Variants in TRIM24 observed in about 807,000 individuals in gnomAD.
TRIM24 encodes transcription intermediary factor 1-alpha.
Under a neutral mutation model 123.9 loss-of-function variants are expected in TRIM24, and 29 were observed. That is an observed-to-expected ratio of 0.23 (90% CI 0.17 to 0.32). The LOEUF (loss-of-function observed/expected upper bound fraction) is 0.32, where lower values mean the gene tolerates loss of function less well. Among genes scored for constraint, TRIM24 ranks in the 10% least tolerant of loss-of-function variants. TRIM24 has a pLI of 1.00. For synonymous variants in TRIM24, 456 were observed against 461.1 expected, an observed-to-expected ratio of 0.99 and a Z score of 0.14; for missense variants, 932 against 1,295.3, an observed-to-expected ratio of 0.72 and a Z score of 4.31.
In TRIM24 at chr7:138,460,497, C is replaced by T; in HGVS notation, c.-52C>T. The T allele has an allele frequency of 8.0e-7, 1 of 1,255,666 alleles. No homozygotes were observed. The highest frequency in any genetic ancestry group is 1.0e-6 in the Non-Finnish European group (1 of 1,003,880). 77.8% of individuals were successfully genotyped at this position (1,255,666 alleles called of 1,614,324 possible). The stretch of plus-strand genomic sequence containing the variant: ...AGGAGGAGGAGGAGGTCGTCGGGGG[C>T]GGCGGGCGGAGACCGCGCTCTCGCT... On this transcript the variant is annotated 5_prime_UTR_variant, in exon 1 of 19. Transcript: ENST00000343526.
Position 138,585,520 on chromosome 7 carries a change from A to G in TRIM24, c.*569A>G, listed in dbSNP as rs1797996373. 8.9e-6 allele frequency: 3 copies of G among 335,470 alleles called. No individual in the cohort carries two copies. The East Asian group carries it at 1.9e-4, about 21-fold the overall frequency. 20.8% of individuals were successfully genotyped at this position (335,470 alleles called of 1,614,324 possible). ...GCAACAGAAGGGTAGGTTAGATGCT[A>G]TTAAGAAGGCACTTAATAGTACATC... On this transcript the variant is annotated 3_prime_UTR_variant, in exon 19 of 19. Coordinates refer to ENST00000343526, the MANE Select transcript of TRIM24 (RefSeq NM_015905.3).
intron 4 of TRIM24, 44 bp from the exon 5 acceptor site, chr7:138,525,197 C>A: frequency 1.1e-6 from 1 of 888,334 alleles, no homozygotes; most frequent in Admixed American, 3.0e-5. Context: ...GGACTTTTTC[C>A]TCATTGTATA....
intron 6 of TRIM24, among the ~76,000 whole-genome samples, chr7:138,530,527 G>T (rs145061869): frequency 1.3e-5 from 2 of 152,086 alleles, no homozygotes; most frequent in South Asian, 2.1e-4. Context: ...GTGCAATAGC[G>T]TGAATCACGG....
chr7:138,520,605 G>C (rs552569213), intron 4 of TRIM24, among the ~76,000 whole-genome samples: 1 of 152,184 alleles, frequency 6.6e-6, no homozygotes, highest in East Asian at 1.9e-4. Context: ...TGGGAGGATT[G>C]CTTGAGCCCA....
At chr7:138,496,745 C>T (rs1795916213) in intron 1 of TRIM24, among the ~76,000 whole-genome samples, 2 of 152,048 alleles carry the variant, frequency 1.3e-5, no homozygotes, top group Admixed American at 1.3e-4. Context: ...TAGTGATCCT[C>T]CTGCCTCAGC....
In TRIM24 at chr7:138,544,245, T is replaced by C. The variant is rs147894822; in HGVS notation, c.1143+5442T>C. 1.2e-3 allele frequency among the ~76,000 whole-genome samples: 186 copies of C among 152,356 alleles called. 4 individuals carry two copies. The highest frequency in any genetic ancestry group is 8.5e-3 in the East Asian group (44 of 5,186). On this transcript the variant is annotated intron_variant, in intron 7 of 18. Coordinates refer to ENST00000343526, the MANE Select transcript of TRIM24 (RefSeq NM_015905.3). Reference sequence around the variant, plus strand: ...TTTGTCTTCAACTTTCTAAAAATATTCCATGTATAAGTGAGATTATACAGT... The same window carrying C: ...TTTGTCTTCAACTTTCTAAAAATATCCCATGTATAAGTGAGATTATACAGT...
intron 1 of TRIM24, among the ~76,000 whole-genome samples, chr7:138,466,573 C>G (rs1409167276): frequency 2.1e-5 from 3 of 143,186 alleles, no homozygotes; most frequent in Non-Finnish European, 4.5e-5. Flanking sequence ...AGGCTGGTCT[C>G]TCAACTCCTG....
At position 138,474,973 on chromosome 7, in the gene TRIM24, C is replaced by T. The variant is rs76334429; in HGVS notation, c.364+14061C>T. ...AAAGTAGTATATACTTGTTATGCAC[C>T]CTAACAATGTAGGTATAATACAGTT... On this transcript the variant is annotated intron_variant, in intron 1 of 18. Coordinates refer to ENST00000343526, the MANE Select transcript of TRIM24 (RefSeq NM_015905.3). 2.0e-5 allele frequency among the ~76,000 whole-genome samples: 3 copies of T among 152,140 alleles called. No homozygotes were observed. The East Asian group carries it at 5.8e-4, about 29-fold the overall frequency.
In TRIM24 at chr7:138,533,922, C is replaced by T. The variant is rs1026246603; in HGVS notation, c.996+4692C>T. 3.3e-5 allele frequency among the ~76,000 whole-genome samples: 5 copies of T among 152,138 alleles called. No individual in the cohort carries two copies. In the East Asian group the frequency reaches 5.8e-4, roughly 18 times the overall value. On this transcript the variant is annotated intron_variant, in intron 6 of 18. Coordinates refer to ENST00000343526, the MANE Select transcript of TRIM24 (RefSeq NM_015905.3). ...GTTATTGGTCTATTCAGGGATTCAA[C>T]TTCTTCCTGGTTTAGTCTTGGGTGG...
intron 1 of TRIM24, among the ~76,000 whole-genome samples, chr7:138,480,163 A>G (rs1464897120): frequency 6.6e-6 from 1 of 152,004 alleles, no homozygotes; most frequent in African/African-American, 2.4e-5. Flanking sequence ...ACGAGGTCTC[A>G]CTTTTACCTA....
chr7:138,542,431 C>G (rs1797023443), intron 7 of TRIM24, among the ~76,000 whole-genome samples: 1 of 152,134 alleles, frequency 6.6e-6, no homozygotes, highest in Admixed American at 6.6e-5. Flanking sequence ...TATGTTTGCT[C>G]TTACATGGGT....
intron 2 of TRIM24, among the ~76,000 whole-genome samples, chr7:138,510,120 A>C (rs1319682996): frequency 6.6e-6 from 1 of 152,240 alleles, no homozygotes; most frequent in Non-Finnish European, 1.5e-5. Context: ...TGTGATGCTC[A>C]CAGAAGTTAC....
At chr7:138,576,561 A>T in intron 13 of TRIM24, 116 bp downstream of exon 13, 1 of 821,364 alleles carries the variant, frequency 1.2e-6, no homozygotes, top group Non-Finnish European at 1.8e-6. Context: ...TTTATTTTTA[A>T]TTAAAATTTT....
intron 9 of TRIM24, among the ~76,000 whole-genome samples, chr7:138,562,150 T>G (rs1292553415): frequency 1.3e-5 from 2 of 152,058 alleles, no homozygotes; most frequent in East Asian, 3.9e-4. Flanking sequence ...GGGTTGGGGC[T>G]GCCAAAAAAA....
intron 1 of TRIM24, among the ~76,000 whole-genome samples, chr7:138,472,212 T>C (rs1428560713): frequency 6.6e-6 from 1 of 152,012 alleles, no homozygotes; most frequent in Non-Finnish European, 1.5e-5. Context: ...GGAAGGTTTC[T>C]CACTTTCTTT....
chr7:138,464,141 C>T (rs933249090), intron 1 of TRIM24, among the ~76,000 whole-genome samples: 23 of 151,602 alleles, frequency 1.5e-4, no homozygotes, highest in African/African-American at 3.9e-4. Context: ...ACTACAGGAA[C>T]ATGCCACCAC....
chr7:138,577,974 AAAG>A (rs1370202336), intron 14 of TRIM24, among the ~76,000 whole-genome samples: 2 of 152,304 alleles, frequency 1.3e-5, no homozygotes, highest in East Asian at 1.9e-4. Flanking sequence ...GTAAAACAAG[AAAG>A]AAGACATAAG....
chr7:138,539,801 C>CTT (rs528996607), intron 7 of TRIM24, among the ~76,000 whole-genome samples: 1,764 of 129,596 alleles, frequency 0.014, 69 homozygotes, highest in African/African-American at 0.043. Flanking sequence ...ATTAAGTAAT[C>CTT]TTTTTTTTTT....
chr7:138,473,044 C>T (rs972127933), intron 1 of TRIM24, among the ~76,000 whole-genome samples: 2 of 152,126 alleles, frequency 1.3e-5, no homozygotes, highest in African/African-American at 4.8e-5. Flanking sequence ...CTTTGGGAGG[C>T]TGAGGCAGGC....
Sources: gnomAD v4.1 joint callset for allele counts (sites outside exome capture counted in the v4.1 genomes callset) on GRCh38, gnomAD v4.1.1 for gene constraint, MANE v1.5 for transcripts, NCBI Gene and HGNC (gene_info 2026-07-23, HGNC 2026-07-21) for gene names.